The following KIAA0825 variants were observed in gnomAD, a reference collection of about 807,000 sequenced individuals.
The protein encoded by KIAA0825 is KIAA0825, also known as uncharacterized protein KIAA0825.
KIAA0825 carries 119 observed loss-of-function variants against 147.6 expected under a neutral mutation model. The observed-to-expected ratio is 0.81, with a 90% CI of 0.69 to 0.94. KIAA0825 has a LOEUF of 0.94. Among genes scored for constraint, KIAA0825 ranks in the 40% least tolerant of loss-of-function variants. The pLI, the probability that KIAA0825 is intolerant of heterozygous loss-of-function variation, is 0.00. For missense variants in KIAA0825, 1,381 were observed against 1,472.7 expected (o/e 0.94, Z 1.02); for synonymous variants, 470 against 518.1 (o/e 0.91, Z 1.26).
intron 15 of KIAA0825, chr5:94,415,666 T>G (rs1396905540): frequency 1.3e-5 from 2 of 152,202 alleles, no homozygotes; most frequent in East Asian, 3.8e-4. Context: ...TCTGCCCCTT[T>G]GAGCTTTCAC....
intron 20 of KIAA0825, among the ~76,000 whole-genome samples, chr5:94,221,153 G>A (rs996478689): frequency 1.3e-5 from 2 of 152,134 alleles, no homozygotes; most frequent in Non-Finnish European, 2.9e-5. Context: ...CACAGACTAC[G>A]AGGTGTGACC....
rs141500120 is a variant in KIAA0825 at position 94,501,624 on chromosome 5, G to A, written c.971-16694C>T. On this transcript the variant is annotated intron_variant, in intron 5 of 20. Coordinates refer to ENST00000682413, the MANE Select transcript of KIAA0825 (RefSeq NM_001145678.3). ...TGCAAGAGGGGTCAGGTGAGCACAG[G>A]GATTTCAACCCATTTAAAAAATCAT... 2.0e-3 allele frequency among the ~76,000 whole-genome samples: 306 copies of A among 152,098 alleles called. 5 individuals are homozygous for A. The Middle Eastern group carries it at 0.024, about 12-fold the overall frequency.
At chr5:94,422,740 A>G (rs2150741098) in intron 14 of KIAA0825, among the ~76,000 whole-genome samples, 2 of 152,258 alleles carry the variant, frequency 1.3e-5, no homozygotes, top group Admixed American at 1.3e-4. Context: ...TCAGTAGTGA[A>G]AGAGATGAAT....
chr5:94,425,855 A>C (rs999803370), intron 14 of KIAA0825, among the ~76,000 whole-genome samples: 6 of 151,874 alleles, frequency 4.0e-5, no homozygotes, highest in Non-Finnish European at 7.4e-5. Flanking sequence ...CATTTCTCTG[A>C]TAATTAGTGA....
intron 20 of KIAA0825, among the ~76,000 whole-genome samples, chr5:94,322,373 G>C (rs1780273617): frequency 6.6e-6 from 1 of 151,682 alleles, no homozygotes; most frequent in Non-Finnish European, 1.5e-5. Context: ...GTTTGCAATA[G>C]GGCAAAGGGT....
At chr5:94,297,876 G>T (rs867033153) in intron 20 of KIAA0825, among the ~76,000 whole-genome samples, 3 of 150,770 alleles carry the variant, frequency 2.0e-5, no homozygotes, top group African/African-American at 4.9e-5. Context: ...GATTACAGGC[G>T]TGAGCCACCA....
Position 94,153,882 on chromosome 5 carries a change from A to C in KIAA0825, c.*125T>G. Reference sequence around the variant, plus strand: ...TGTGCTGTATTCCTTTTCAGTACAGAGATTACTCAGTCATTGGTTTCATGC... The same window carrying C: ...TGTGCTGTATTCCTTTTCAGTACAGCGATTACTCAGTCATTGGTTTCATGC... On this transcript the variant is annotated 3_prime_UTR_variant, in exon 21 of 21. Coordinates refer to ENST00000682413, the MANE Select transcript of KIAA0825 (RefSeq NM_001145678.3). 1 of 625,992 alleles carries C rather than the reference A, an allele frequency of 1.6e-6. No homozygotes were observed. Among genetic ancestry groups the C allele is most frequent in the East Asian group, 2.7e-5 (1 of 36,402 alleles). 38.8% of individuals were successfully genotyped at this position (625,992 alleles called of 1,614,324 possible). A position where few individuals can be genotyped will look rare whatever the true frequency, so the allele number is the denominator to read the frequency against.
At chr5:94,545,979 C>A (rs941309285) in intron 2 of KIAA0825, among the ~76,000 whole-genome samples, 3 of 152,150 alleles carry the variant, frequency 2.0e-5, no homozygotes, top group African/African-American at 7.2e-5. Flanking sequence ...GATGGGAGTC[C>A]ACTATCCTGA....
chr5:94,383,203 T>C (rs911091764), intron 20 of KIAA0825, among the ~76,000 whole-genome samples: 6 of 152,166 alleles, frequency 3.9e-5, no homozygotes, highest in African/African-American at 1.4e-4. Flanking sequence ...CTGGCCTTGA[T>C]CAGTAAGCTT....
chr5:94,482,241 G>A (rs1435087141), intron 6 of KIAA0825, among the ~76,000 whole-genome samples: 1 of 152,010 alleles, frequency 6.6e-6, no homozygotes, highest in African/African-American at 2.4e-5. Context: ...CAATATAATA[G>A]TAAACATCAA....
chr5:94,388,911 T>C (rs918338174), intron 18 of KIAA0825, among the ~76,000 whole-genome samples: 1 of 152,232 alleles, frequency 6.6e-6, no homozygotes, highest in African/African-American at 2.4e-5. Context: ...TGAAGAGCTC[T>C]GTCAGTCTGA....
chr5:94,544,871 C>T (rs1237890906), intron 2 of KIAA0825, among the ~76,000 whole-genome samples: 1 of 152,026 alleles, frequency 6.6e-6, no homozygotes, highest in Non-Finnish European at 1.5e-5. Context: ...TAAGTACACA[C>T]AAAAAGCAGT....
chr5:94,449,908 GTC>G (rs778941479), intron 13 of KIAA0825, among the ~76,000 whole-genome samples: 8 of 151,976 alleles, frequency 5.3e-5, no homozygotes, highest in Non-Finnish European at 5.9e-5. Flanking sequence ...GTGAAACCCT[GTC>G]TCTACTAAAA....
At chr5:94,374,271 T>C (rs1193291323) in intron 20 of KIAA0825, among the ~76,000 whole-genome samples, 1 of 152,200 alleles carries the variant, frequency 6.6e-6, no homozygotes, top group South Asian at 2.1e-4. Flanking sequence ...TTATTATACC[T>C]TTCTTTCATC....
chr5:94,274,542 A>T (rs970120658), intron 20 of KIAA0825, among the ~76,000 whole-genome samples: 18 of 152,164 alleles, frequency 1.2e-4, no homozygotes, highest in Admixed American at 5.9e-4. Flanking sequence ...GAGCTTACAG[A>T]ATAGCAAGTG....
At chr5:94,447,206 T>C (rs1406714873) in intron 13 of KIAA0825, among the ~76,000 whole-genome samples, 1 of 152,060 alleles carries the variant, frequency 6.6e-6, no homozygotes, top group Non-Finnish European at 1.5e-5. Context: ...ACCCATATAT[T>C]ATGGATCTGT....
chr5:94,493,534 C>A (rs754503665), intron 5 of KIAA0825, among the ~76,000 whole-genome samples: 1 of 152,152 alleles, frequency 6.6e-6, no homozygotes, highest in Non-Finnish European at 1.5e-5. Context: ...GTCTCCCAGG[C>A]TGGAGTGCAG....
At chr5:94,489,448 G>T (rs1402932696) in intron 5 of KIAA0825, among the ~76,000 whole-genome samples, 1 of 151,840 alleles carries the variant, frequency 6.6e-6, no homozygotes, top group Non-Finnish European at 1.5e-5. Flanking sequence ...CTGTCTGAGG[G>T]GTTCATGAGC....
At chr5:94,505,170 C>G (rs538424464) in intron 5 of KIAA0825, among the ~76,000 whole-genome samples, 1 of 151,762 alleles carries the variant, frequency 6.6e-6, no homozygotes, top group Non-Finnish European at 1.5e-5. Flanking sequence ...ACCAGCCTAG[C>G]GAACACAGTG....
Sources: gnomAD v4.1 joint callset for allele counts (sites outside exome capture counted in the v4.1 genomes callset) on GRCh38, gnomAD v4.1.1 for gene constraint, MANE v1.5 for transcripts, NCBI Gene and HGNC (gene_info 2026-07-23, HGNC 2026-07-21) for gene names.